The following CDKN2B-AS1 variants were observed in gnomAD, a reference collection of about 807,000 sequenced individuals.
CDKN2B-AS1 encodes CDKN2B antisense RNA 1 (non-protein coding).
In CDKN2B-AS1 at chr9:21,996,574, C is replaced by G. The variant is rs1407724617; in HGVS notation, n.29+1413C>G. Among the ~76,000 whole-genome samples, 1 of 151,984 alleles carries G rather than the reference C, an allele frequency of 6.6e-6. No homozygotes were observed. Among genetic ancestry groups the G allele is most frequent in the Admixed American group, 6.6e-5 (1 of 15,264 alleles). ...ACGAAGAGATTATTTTACTTATGTA[C>G]TTGTTTACTTGTTTGTTGTGTAGAA... On this transcript the variant is annotated intron_variant and non_coding_transcript_variant, in intron 1 of 4. Coordinates refer to ENST00000650946, the Ensembl canonical transcript of CDKN2B-AS1. The surrounding 1 kb of genome is among the most constrained non-coding windows in gnomAD (Gnocchi z 5.4).
At chr9:22,007,157 C>T (rs771320848) in intron 1 of CDKN2B-AS1, among the ~76,000 whole-genome samples, 12 of 151,992 alleles carry the variant, frequency 7.9e-5, no homozygotes, top group African/African-American at 9.7e-5. Context: ...GTCAGGAGTT[C>T]GAGACCAGCC....
intron 1 of CDKN2B-AS1, among the ~76,000 whole-genome samples, chr9:22,038,802 A>G (rs1375440074): frequency 1.3e-5 from 2 of 152,046 alleles, no homozygotes; most frequent in Non-Finnish European, 2.9e-5. Flanking sequence ...AAGTATGCAT[A>G]TGTATTCCTT....
chr9:22,110,567 T>C (rs1009978456), intron 4 of CDKN2B-AS1, among the ~76,000 whole-genome samples: 1 of 152,178 alleles, frequency 6.6e-6, no homozygotes, highest in Non-Finnish European at 1.5e-5. Context: ...CTACACACTG[T>C]CACTAAACAT....
intron 4 of CDKN2B-AS1, among the ~76,000 whole-genome samples, chr9:22,065,450 A>G (rs955267734): frequency 5.9e-5 from 9 of 152,192 alleles, no homozygotes; most frequent in African/African-American, 1.9e-4. Context: ...TTTCATGAAG[A>G]TAGGCAAATA....
At chr9:22,124,579 T>TA (rs1464233453) in intron 4 of CDKN2B-AS1, among the ~76,000 whole-genome samples, 2 of 152,266 alleles carry the variant, frequency 1.3e-5, no homozygotes, top group African/African-American at 4.8e-5. Context: ...TTTCTGTCTT[T>TA]AAATTTTTTG....
intron 4 of CDKN2B-AS1, chr9:22,121,231 C>G (rs1479178075): frequency 6.6e-6 from 1 of 152,028 alleles, no homozygotes; most frequent in Non-Finnish European, 1.5e-5. Context: ...CTCAACCAAA[C>G]TAACTTGGAG....
chr9:22,021,753 T>C (rs1361839615), intron 1 of CDKN2B-AS1, among the ~76,000 whole-genome samples: 1 of 152,172 alleles, frequency 6.6e-6, no homozygotes, highest in Admixed American at 6.5e-5. Flanking sequence ...ATAGTTTGAC[T>C]TCCTCTCTTC....
At chr9:22,011,670 A>G (rs1322109977) in intron 1 of CDKN2B-AS1, among the ~76,000 whole-genome samples, 2 of 152,224 alleles carry the variant, frequency 1.3e-5, no homozygotes. Flanking sequence ...CAGATGGCTC[A>G]CCTCACAGCA....
intron 3 of CDKN2B-AS1, among the ~76,000 whole-genome samples, chr9:22,051,191 C>A (rs534790646): frequency 3.3e-5 from 5 of 152,260 alleles, no homozygotes; most frequent in South Asian, 4.1e-4. Flanking sequence ...GCCCCCTGAG[C>A]TGAAAATGAA....
chr9:22,029,079 C>A (rs955537950), intron 1 of CDKN2B-AS1, among the ~76,000 whole-genome samples: 1 of 151,306 alleles, frequency 6.6e-6, no homozygotes, highest in African/African-American at 2.4e-5. Context: ...ATCCAAGGGA[C>A]GGTGGTGAAA....
intron 1 of CDKN2B-AS1, among the ~76,000 whole-genome samples, chr9:22,044,848 G>A (rs945297587): frequency 2.6e-5 from 4 of 151,884 alleles, no homozygotes; most frequent in African/African-American, 9.7e-5. Flanking sequence ...GGCAAAAGGT[G>A]CCTGAATATG....
chr9:22,055,234 G>A (rs963180816), intron 3 of CDKN2B-AS1, among the ~76,000 whole-genome samples: 2 of 152,132 alleles, frequency 1.3e-5, no homozygotes, highest in Non-Finnish European at 2.9e-5. Context: ...ATCAAACTAA[G>A]ATATCTGTCA....
chr9:22,073,076 CT>C (rs1824361117), intron 4 of CDKN2B-AS1, among the ~76,000 whole-genome samples: 1 of 152,086 alleles, frequency 6.6e-6, no homozygotes, highest in South Asian at 2.1e-4. Flanking sequence ...ATATTGGCCC[CT>C]GTCACATATT....
chr9:22,039,458 C>G lies in CDKN2B-AS1; in HGVS notation n.30-7293C>G, dbSNP rs1177700129. Among the ~76,000 whole-genome samples the G allele has an allele frequency of 2.0e-5, 3 of 151,930 alleles. No homozygotes were observed. Among genetic ancestry groups the G allele is most frequent in the African/African-American group, 7.2e-5 (3 of 41,402 alleles). On this transcript the variant is annotated intron_variant and non_coding_transcript_variant, in intron 1 of 4. Transcript: ENST00000650946. The surrounding 1 kb of genome is among the most constrained non-coding windows in gnomAD (Gnocchi z 4.4). ...TTTTAGCTGTGTCTTAATTGCGCAA[C>G]ATCTGTTTACTCTGTGTTTTAACAT...
intron 4 of CDKN2B-AS1, among the ~76,000 whole-genome samples, chr9:22,117,277 A>G (rs750399553): frequency 5.3e-5 from 8 of 152,238 alleles, no homozygotes; most frequent in African/African-American, 9.6e-5. Context: ...TGCAAAATCA[A>G]TAAGGAAGCT....
Position 22,000,537 on chromosome 9 carries a change from GGT to G in CDKN2B-AS1, n.29+5378_29+5379del, listed in dbSNP as rs1820872852. On this transcript the variant is annotated intron_variant and non_coding_transcript_variant, in intron 1 of 4. Coordinates refer to ENST00000650946, the Ensembl canonical transcript of CDKN2B-AS1. The surrounding 1 kb of genome is among the most constrained non-coding windows in gnomAD (Gnocchi z 4.1). Reference sequence around the variant, plus strand: ...CAGGAGATTCTGAGAATGGTGAGAGGGTGCCTCTGTGCCCTAGGAAAGGTGAT... The same window carrying G: ...CAGGAGATTCTGAGAATGGTGAGAGGGCCTCTGTGCCCTAGGAAAGGTGAT... 6.6e-6 allele frequency among the ~76,000 whole-genome samples: 1 copy of G among 152,032 alleles called. No homozygotes were observed.
At chr9:22,109,614 C>A (rs937333689) in intron 4 of CDKN2B-AS1, among the ~76,000 whole-genome samples, 1 of 152,050 alleles carries the variant, frequency 6.6e-6, no homozygotes, top group Non-Finnish European at 1.5e-5. Context: ...CAAATGTATT[C>A]GATGCTGGTG....
At chr9:22,122,641 G>A (rs73441296) in intron 4 of CDKN2B-AS1, among the ~76,000 whole-genome samples, 1,806 of 152,094 alleles carry the variant, frequency 0.012, 36 homozygotes, top group African/African-American at 0.041. Context: ...AGCACCATTC[G>A]TTGAGGAGAC....
chr9:22,105,179 T>C (rs1175548533), intron 4 of CDKN2B-AS1, among the ~76,000 whole-genome samples: 1 of 152,198 alleles, frequency 6.6e-6, no homozygotes, highest in African/African-American at 2.4e-5. Context: ...TGGGATATTG[T>C]GGGCTCATGA....
Sources: gnomAD v4.1 joint callset for allele counts (sites outside exome capture counted in the v4.1 genomes callset) on GRCh38, gnomAD v4.1.1 for gene constraint, Gnocchi (gnomAD v3.1) non-coding constraint, MANE v1.5 for transcripts, NCBI Gene and HGNC (gene_info 2026-07-23, HGNC 2026-07-21) for gene names.